The following PCDHA4 variants were observed in gnomAD, a reference collection of about 807,000 sequenced individuals.
The protein encoded by PCDHA4 is protocadherin alpha-4.
A neutral mutation model predicts 61.4 loss-of-function variants in PCDHA4; 49 were observed. The ratio of observed to expected loss-of-function variants is 0.80; its 90% CI spans 0.63 to 1.01. The LOEUF (loss-of-function observed/expected upper bound fraction) is 1.01. Ranked by LOEUF, PCDHA4 falls within the 50% of genes least tolerant of loss-of-function variation. The pLI is 0.00. For missense variants in PCDHA4, 1,254 were observed against 1,235.8 expected, an observed-to-expected ratio of 1.01 and a Z score of -0.22; for synonymous variants, 590 against 550.3, an observed-to-expected ratio of 1.07 and a Z score of -1.01.
intron 1 of PCDHA4, among the ~76,000 whole-genome samples, chr5:140,942,493 C>T (rs1334279065): frequency 1.3e-5 from 2 of 151,366 alleles, no homozygotes; most frequent in Non-Finnish European, 2.9e-5. Context: ...GAAATAAATA[C>T]ATGGTATCTA....
chr5:140,836,021 C>T lies in PCDHA4; in HGVS notation c.2385+26449C>T, dbSNP rs2150250890. On this transcript the variant is annotated intron_variant, in intron 1 of 3. Transcript: ENST00000530339. ...GCGATGCGGGCGTGCCGCCTCTGGG[C>T]AGCAACGTGACGCTGCAGGTGTTCG... is the stretch of plus-strand genomic sequence containing the variant. The T allele has an allele frequency of 3.1e-6, 5 of 1,613,270 alleles. No homozygotes were observed. In the East Asian group the frequency reaches 8.9e-5, roughly 29 times the overall value.
At chr5:140,883,519 C>T (rs1554178517) in intron 1 of PCDHA4, 12 of 1,614,190 alleles carry the variant, frequency 7.4e-6, no homozygotes, top group Non-Finnish European at 1.0e-5. Flanking sequence ...ACCGCGAGAG[C>T]GTATCAGCCT....
At chr5:140,972,453 G>A (rs2096536665) in intron 1 of PCDHA4, among the ~76,000 whole-genome samples, 3 of 151,360 alleles carry the variant, frequency 2.0e-5, no homozygotes, top group South Asian at 2.1e-4. Context: ...TTTTTCTCTT[G>A]TTGCTTATTA....
chr5:140,967,226 C>T, intron 1 of PCDHA4: 1 of 1,613,746 alleles, frequency 6.2e-7, no homozygotes, highest in Non-Finnish European at 8.5e-7. Flanking sequence ...GCCCAACTAC[C>T]AGCTTCAGGT....
chr5:140,807,353 C>G lies in PCDHA4; in HGVS notation c.166C>G (p.Leu56Val). The G allele has an allele frequency of 1.2e-6, 2 of 1,610,912 alleles. No individual in the cohort carries two copies. The highest frequency in any genetic ancestry group is 1.7e-6 in the Non-Finnish European group (2 of 1,179,374). ...GRIAQDLGLE[L>V]AELVPRLFRV... is the part of the protein sequence containing the mutation. ...CATCGCGCAGGACCTGGGACTGGAG[C>G]TGGCGGAGCTGGTGCCGCGCCTGTT... The change falls in exon 1 of 4, where the codon CTG becomes GTG. Residue 56 changes from leucine (L) to valine (V), a missense_variant. Transcript: ENST00000530339.
intron 1 of PCDHA4, chr5:140,823,492 G>A (rs886912020): frequency 6.2e-7 from 1 of 1,613,280 alleles, no homozygotes; most frequent in East Asian, 2.2e-5. Flanking sequence ...GGGTGGCACC[G>A]GCGGCGCAGT....
chr5:140,810,999 T>C (rs1198881016), intron 1 of PCDHA4: 1 of 152,200 alleles, frequency 6.6e-6, no homozygotes, highest in African/African-American at 2.4e-5. Flanking sequence ...AGATTTATTT[T>C]TATTTCTTCT....
At chr5:140,821,800 C>G (rs782220892) in intron 1 of PCDHA4, 1 of 1,613,116 alleles carries the variant, frequency 6.2e-7, no homozygotes, top group Non-Finnish European at 8.5e-7. Context: ...GAGAGGAAGT[C>G]TGGGATCCCG....
chr5:140,828,138 T>A (rs2150151301), intron 1 of PCDHA4: 1 of 1,613,970 alleles, frequency 6.2e-7, no homozygotes, highest in Non-Finnish European at 8.5e-7. Context: ...TGTCTGCTCC[T>A]CCCGCTTCTG....
intron 1 of PCDHA4, among the ~76,000 whole-genome samples, chr5:140,911,992 A>T (rs904624481): frequency 6.6e-6 from 1 of 152,342 alleles, no homozygotes; most frequent in East Asian, 1.9e-4. Flanking sequence ...ACAAGGTCCC[A>T]CAATAGGCCA....
At chr5:140,914,670 C>T (rs554633450) in intron 1 of PCDHA4, among the ~76,000 whole-genome samples, 85 of 152,088 alleles carry the variant, frequency 5.6e-4, no homozygotes, top group African/African-American at 2.0e-3. Context: ...TCTTCTTTTT[C>T]ATGAAAATAA....
chr5:140,886,753 G>A (rs1434667485), intron 1 of PCDHA4, among the ~76,000 whole-genome samples: 3 of 151,010 alleles, frequency 2.0e-5, no homozygotes, highest in African/African-American at 7.3e-5. Flanking sequence ...TTGAACCCGG[G>A]AGGTGGAGGT....
intron 1 of PCDHA4, among the ~76,000 whole-genome samples, chr5:140,974,827 G>A (rs1356890991): frequency 6.6e-6 from 1 of 152,182 alleles, no homozygotes; most frequent in Admixed American, 6.5e-5. Flanking sequence ...GCAACATAAT[G>A]ATTATTTTAA....
chr5:140,823,346 A>G, intron 1 of PCDHA4: 1 of 1,612,198 alleles, frequency 6.2e-7, no homozygotes, highest in African/African-American at 1.3e-5. Flanking sequence ...CCGCTGGACC[A>G]CGAGGAAGTG....
intron 1 of PCDHA4, among the ~76,000 whole-genome samples, chr5:140,955,954 T>C (rs782364189): frequency 2.0e-5 from 3 of 152,184 alleles, no homozygotes; most frequent in Non-Finnish European, 2.9e-5. Context: ...TACTTGCTTG[T>C]TGTTTGTGCA....
Position 141,011,328 on chromosome 5 carries a change from A to G in PCDHA4, c.*1391A>G, listed in dbSNP as rs1554263430. 2 of 153,726 alleles carry G rather than the reference A, an allele frequency of 1.3e-5. No homozygotes were observed. Among genetic ancestry groups the G allele is most frequent in the Admixed American group, 1.3e-4 (2 of 15,268 alleles). 9.5% of individuals were successfully genotyped at this position (153,726 alleles called of 1,614,324 possible). On this transcript the variant is annotated 3_prime_UTR_variant, in exon 4 of 4. Transcript: ENST00000530339. Reference sequence around the variant, plus strand: ...ATTGCTAATCTTACTAACACCTATGATGTTACCTGAAATCAATCTCCCATA... The same window carrying G: ...ATTGCTAATCTTACTAACACCTATGGTGTTACCTGAAATCAATCTCCCATA...
At chr5:140,871,400 C>T (rs146613275) in intron 1 of PCDHA4, 4 of 1,614,128 alleles carry the variant, frequency 2.5e-6, no homozygotes, top group Non-Finnish European at 3.4e-6. Flanking sequence ...CCACCTAAGA[C>T]GGACCTCATG....
chr5:140,896,453 C>T (rs782013950), intron 1 of PCDHA4, among the ~76,000 whole-genome samples: 3 of 152,106 alleles, frequency 2.0e-5, no homozygotes, highest in Non-Finnish European at 2.9e-5. Context: ...ACCTCCACCT[C>T]CTGGGTTCAA....
Position 140,833,148 on chromosome 5 carries a change from T to C in PCDHA4, c.2385+23576T>C, listed in dbSNP as rs145941830. On this transcript the variant is annotated intron_variant, in intron 1 of 3. Coordinates refer to ENST00000530339, the MANE Select transcript of PCDHA4 (RefSeq NM_018907.4). The stretch of plus-strand genomic sequence containing the variant: ...AAAGCTGTCAAAAAGTGTGAAGCAA[T>C]ACGAATAAAAAGTATTAACGGAAGA... 2.6e-4 allele frequency among the ~76,000 whole-genome samples: 39 copies of C among 152,250 alleles called. No individual in the cohort carries two copies. The East Asian group carries it at 6.2e-3, about 24-fold the overall frequency.
Sources: gnomAD v4.1 joint callset for allele counts (sites outside exome capture counted in the v4.1 genomes callset) on GRCh38, gnomAD v4.1.1 for gene constraint, MANE v1.5 for transcripts, NCBI Gene and HGNC (gene_info 2026-07-23, HGNC 2026-07-21) for gene names.